The following MME variants were observed in gnomAD, a reference collection of about 807,000 sequenced individuals.
MME encodes the protein membrane metalloendopeptidase, also known as neprilysin.
Under a neutral mutation model 113.2 loss-of-function variants are expected in MME, and 98 were observed. That is an observed-to-expected ratio of 0.87 (90% CI 0.74 to 1.02). The LOEUF (loss-of-function observed/expected upper bound fraction) is 1.02. Among genes scored for constraint, MME ranks in the 50% least tolerant of loss-of-function variants. MME has a pLI of 0.00. For missense variants in MME, 836 were observed against 896.0 expected (o/e 0.93, Z 0.86); for synonymous variants, 292 against 300.6 (o/e 0.97, Z 0.30).
At chr3:155,035,504 A>G (rs1713099664) in intron 1 of MME, among the ~76,000 whole-genome samples, 1 of 152,080 alleles carries the variant, frequency 6.6e-6, no homozygotes, top group Non-Finnish European at 1.5e-5. Flanking sequence ...AATTTTTTTA[A>G]AGCAAAGAAA....
intron 1 of MME, chr3:155,081,253 G>A (rs905550287): frequency 2.0e-5 from 3 of 152,232 alleles, no homozygotes; most frequent in African/African-American, 7.2e-5. Context: ...GCTTAGCTAA[G>A]TCTAAGTCTG....
intron 8 of MME, among the ~76,000 whole-genome samples, chr3:155,136,482 T>A (rs1279795992): frequency 2.0e-5 from 3 of 152,174 alleles, no homozygotes; most frequent in Non-Finnish European, 4.4e-5. Context: ...AAAATTGTTC[T>A]ATTGAGTAGC....
intron 3 of MME, among the ~76,000 whole-genome samples, chr3:155,099,445 C>T (rs527485880): frequency 1.3e-5 from 2 of 152,174 alleles, no homozygotes; most frequent in East Asian, 1.9e-4. Context: ...GTGCCTTCAC[C>T]GTGAAGCTAA....
chr3:155,151,972 A>AT (rs1347941061), intron 16 of MME, among the ~76,000 whole-genome samples: 1 of 151,220 alleles, frequency 6.6e-6, no homozygotes, highest in African/African-American at 2.5e-5. Context: ...TACCTTAGAG[A>AT]TTTTTTTGAA....
chr3:155,177,674 T>C (rs1453751114), intron 22 of MME, among the ~76,000 whole-genome samples: 4 of 152,168 alleles, frequency 2.6e-5, no homozygotes, highest in African/African-American at 9.6e-5. Context: ...TCTCACATGG[T>C]CCAAATAGTG....
chr3:155,054,445 G>A (rs1297793715), intron 1 of MME, among the ~76,000 whole-genome samples: 2 of 152,170 alleles, frequency 1.3e-5, no homozygotes, highest in South Asian at 4.1e-4. Context: ...GAGGAAGAGT[G>A]AAGTCAGGCT....
chr3:155,167,129 AT>A, intron 18 of MME, 108 bp downstream of exon 18: 4 of 1,378,870 alleles, frequency 2.9e-6, no homozygotes, highest in East Asian at 4.8e-5. Context: ...AACATGTATC[AT>A]TTCTCTAATT....
At chr3:155,147,610 G>A (rs1161641277) in intron 15 of MME, among the ~76,000 whole-genome samples, 1 of 152,072 alleles carries the variant, frequency 6.6e-6, no homozygotes, top group Non-Finnish European at 1.5e-5. Flanking sequence ...ACCAATTCAT[G>A]CCTACTGTAT....
At chr3:155,092,219 C>T (rs987324917) in intron 3 of MME, among the ~76,000 whole-genome samples, 1 of 152,172 alleles carries the variant, frequency 6.6e-6, no homozygotes, top group African/African-American at 2.4e-5. Flanking sequence ...CGGATGCACC[C>T]AGAAATAATG....
chr3:155,146,393 G>A (rs1190524696), intron 14 of MME, among the ~76,000 whole-genome samples: 1 of 151,934 alleles, frequency 6.6e-6, no homozygotes, highest in Non-Finnish European at 1.5e-5. Flanking sequence ...GGGCATGGTG[G>A]TGCATGCCTG....
intron 1 of MME, among the ~76,000 whole-genome samples, chr3:155,068,322 A>G (rs1253330583): frequency 2.0e-5 from 3 of 152,238 alleles, no homozygotes; most frequent in Non-Finnish European, 4.4e-5. Context: ...CCAAGGCACA[A>G]GAGGTACTTT....
rs577773069 is a variant in MME, at chr3:155,167,099, T to A, written c.1780+78T>A. Reference sequence around the variant, plus strand: ...ATTAAGAGTTATTATAATTTATTACTACAAAGCTACATTTATTCAAACATG... The same window carrying A: ...ATTAAGAGTTATTATAATTTATTACAACAAAGCTACATTTATTCAAACATG... On this transcript the variant is annotated intron_variant, in intron 18 of 22. Transcript: ENST00000360490. 7.5e-5 allele frequency: 112 copies of A among 1,496,498 alleles called. No individual in the cohort carries two copies. The African/African-American group carries it at 1.4e-3, about 19-fold the overall frequency. 92.7% of individuals were successfully genotyped at this position (1,496,498 alleles called of 1,614,324 possible).
At chr3:155,159,656 G>A (rs1357345793) in intron 16 of MME, among the ~76,000 whole-genome samples, 1 of 151,766 alleles carries the variant, frequency 6.6e-6, no homozygotes, top group Admixed American at 6.6e-5. Context: ...AGTTATTTAT[G>A]CATTTTTCTC....
chr3:155,129,449 A>G (rs1158132162), intron 8 of MME, among the ~76,000 whole-genome samples: 1 of 152,174 alleles, frequency 6.6e-6, no homozygotes, highest in African/African-American at 2.4e-5. Flanking sequence ...AATTACTAAG[A>G]AGATCATTTC....
chr3:155,093,749 G>A (rs1001620032), intron 3 of MME, among the ~76,000 whole-genome samples: 5 of 151,588 alleles, frequency 3.3e-5, no homozygotes, highest in African/African-American at 1.2e-4. Flanking sequence ...CCAGCTACTC[G>A]GGAGGCTGAG....
intron 22 of MME, among the ~76,000 whole-genome samples, chr3:155,177,267 C>A (rs1712633611): frequency 1.3e-5 from 2 of 152,156 alleles, no homozygotes; most frequent in Admixed American, 1.3e-4. Flanking sequence ...GTCAGTGATG[C>A]TGATGGCTTA....
chr3:155,053,997 G>A (rs73874486), intron 1 of MME, among the ~76,000 whole-genome samples: 14 of 151,938 alleles, frequency 9.2e-5, no homozygotes, highest in African/African-American at 2.7e-4. Context: ...TATCCTATGC[G>A]TGTCCCAGTG....
intron 10 of MME, among the ~76,000 whole-genome samples, chr3:155,141,154 C>T (rs1721060160): frequency 6.6e-6 from 1 of 152,180 alleles, no homozygotes; most frequent in Non-Finnish European, 1.5e-5. Context: ...TTCTCTTTGG[C>T]ACTAATTCTA....
At chr3:155,172,467 A>T in intron 21 of MME, 69 bp from the exon 22 acceptor site, 2 of 1,259,654 alleles carry the variant, frequency 1.6e-6, no homozygotes, top group Non-Finnish European at 2.3e-6. Flanking sequence ...CTTCCCCTCA[A>T]CTTGCTCAAA....
Sources: allele counts gnomAD v4.1 joint callset (sites outside exome capture counted in the v4.1 genomes callset), GRCh38; gene constraint gnomAD v4.1.1; transcripts MANE v1.5; gene names NCBI Gene and HGNC (gene_info 2026-07-23, HGNC 2026-07-21).